Variants in GTF2F2 observed in about 807,000 individuals in gnomAD.
GTF2F2 encodes the protein general transcription factor IIF subunit 2.
A neutral mutation model predicts 42.2 loss-of-function variants in GTF2F2; 23 were observed. The ratio of observed to expected loss-of-function variants is 0.55; its 90% confidence interval spans 0.39 to 0.77. The LOEUF (loss-of-function observed/expected upper bound fraction) is 0.77. Ranked by LOEUF, GTF2F2 falls within the 30% of genes least tolerant of loss-of-function variation. The pLI is 0.00. For synonymous variants in GTF2F2, 105 were observed against 100.8 expected (o/e 1.04, Z -0.25); for missense variants, 261 against 287.2 (o/e 0.91, Z 0.66).
At chr13:45,135,072 G>A (rs1340582887) in intron 1 of GTF2F2, among the ~76,000 whole-genome samples, 2 of 151,842 alleles carry the variant, frequency 1.3e-5, no homozygotes, top group Admixed American at 1.3e-4. Flanking sequence ...TCGTGCCTTA[G>A]TCTTCCAAGT....
chr13:45,162,511 G>A (rs1356482161), intron 4 of GTF2F2, among the ~76,000 whole-genome samples: 3 of 152,212 alleles, frequency 2.0e-5, no homozygotes, highest in Non-Finnish European at 1.5e-5. Context: ...ACTGACTGCA[G>A]AGATTTAGTT....
chr13:45,142,931 G>C (rs1014970618), intron 2 of GTF2F2, among the ~76,000 whole-genome samples: 3 of 152,154 alleles, frequency 2.0e-5, no homozygotes, highest in Non-Finnish European at 4.4e-5. Flanking sequence ...AGGCTCCATT[G>C]ATAGATGTCT....
At chr13:45,230,334 G>C (rs1423048462) in intron 5 of GTF2F2, among the ~76,000 whole-genome samples, 3 of 152,216 alleles carry the variant, frequency 2.0e-5, no homozygotes. Context: ...TGGAAAGGCA[G>C]AGGGTGTACT....
At chr13:45,283,397 C>T in intron 7 of GTF2F2, 45 bp from the exon 8 acceptor site, 1 of 1,561,292 alleles carries the variant, frequency 6.4e-7, no homozygotes, top group South Asian at 1.2e-5. Context: ...GTTTTGTCCC[C>T]TGCATTTATA....
chr13:45,251,008 T>C (rs1435610729), intron 5 of GTF2F2, among the ~76,000 whole-genome samples: 1 of 152,242 alleles, frequency 6.6e-6, no homozygotes, highest in African/African-American at 2.4e-5. Context: ...ATCTTGTGTA[T>C]TTAAAGGATA....
At chr13:45,162,574 C>T (rs146804701) in intron 4 of GTF2F2, among the ~76,000 whole-genome samples, 1 of 152,164 alleles carries the variant, frequency 6.6e-6, no homozygotes, top group Non-Finnish European at 1.5e-5. Context: ...AAAAGTTAAA[C>T]CTAATAGCAG....
chr13:45,151,910 GCTT>G, intron 4 of GTF2F2, 79 bp downstream of exon 4: 3 of 286,176 alleles, frequency 1.0e-5, no homozygotes, highest in South Asian at 9.0e-5. Flanking sequence ...ACTCCTATTT[GCTT>G]TTTTTTTTTT....
At chr13:45,235,041 C>CAAAAAAAAAAAAA (rs61077504) in intron 5 of GTF2F2, among the ~76,000 whole-genome samples, 2 of 43,704 alleles carry the variant, frequency 4.6e-5, no homozygotes, top group Non-Finnish European at 8.3e-5. Context: ...GCGGGAAACT[C>CAAAAAAAAAAAAA]AAAAAAAAAA....
chr13:45,279,387 C>G (rs1049886943), intron 7 of GTF2F2, among the ~76,000 whole-genome samples: 12 of 152,186 alleles, frequency 7.9e-5, no homozygotes, highest in Admixed American at 5.2e-4. Context: ...AAGTGACATT[C>G]AAATTCACGT....
intron 4 of GTF2F2, among the ~76,000 whole-genome samples, chr13:45,162,293 TA>T (rs1333894241): frequency 6.6e-6 from 1 of 152,220 alleles, no homozygotes; most frequent in Non-Finnish European, 1.5e-5. Flanking sequence ...CTTTGGCAGC[TA>T]GTGGTTCTTT....
At chr13:45,153,368 A>G (rs1870596166) in intron 4 of GTF2F2, among the ~76,000 whole-genome samples, 1 of 152,078 alleles carries the variant, frequency 6.6e-6, no homozygotes. Context: ...AAAATGATCT[A>G]AAAAATTATT....
chr13:45,238,872 A>G (rs1482790301), intron 5 of GTF2F2, among the ~76,000 whole-genome samples: 2 of 147,792 alleles, frequency 1.4e-5, no homozygotes, highest in African/African-American at 5.1e-5. Flanking sequence ...TGAACCTGGG[A>G]GGCAAAGGTT....
chr13:45,247,685 G>A (rs939930330), intron 5 of GTF2F2, among the ~76,000 whole-genome samples: 4 of 151,966 alleles, frequency 2.6e-5, no homozygotes, highest in Non-Finnish European at 4.4e-5. Context: ...CACTGTGCCC[G>A]GCCACCTGTA....
intron 2 of GTF2F2, among the ~76,000 whole-genome samples, chr13:45,139,451 A>G (rs2138104368): frequency 6.6e-6 from 1 of 152,310 alleles, no homozygotes; most frequent in South Asian, 2.1e-4. Flanking sequence ...CTCAAACTTA[A>G]TAATTGCTAT....
At chr13:45,238,459 T>C (rs1875109193) in intron 5 of GTF2F2, among the ~76,000 whole-genome samples, 1 of 152,136 alleles carries the variant, frequency 6.6e-6, no homozygotes, top group African/African-American at 2.4e-5. Flanking sequence ...GAGTGCGTGA[T>C]TAACAGGAAA....
chr13:45,140,214 AGTGTGG>A (rs1869853362), intron 2 of GTF2F2, among the ~76,000 whole-genome samples: 1 of 151,746 alleles, frequency 6.6e-6, no homozygotes, highest in Non-Finnish European at 1.5e-5. Context: ...CAGCCCCTAA[AGTGTGG>A]GTGTTACAGG....
intron 4 of GTF2F2, among the ~76,000 whole-genome samples, chr13:45,169,896 A>G (rs183702188): frequency 5.3e-4 from 80 of 152,308 alleles, no homozygotes; most frequent in African/African-American, 1.7e-3. Flanking sequence ...GGACACAACC[A>G]GTATTGTTTA....
At chr13:45,255,505 G>A (rs1204186244) in intron 6 of GTF2F2, among the ~76,000 whole-genome samples, 1 of 152,122 alleles carries the variant, frequency 6.6e-6, no homozygotes, top group Non-Finnish European at 1.5e-5. Flanking sequence ...TGCTTTAGGA[G>A]GAAAATAAAC....
At chr13:45,236,557 G>A (rs1372501006) in intron 5 of GTF2F2, among the ~76,000 whole-genome samples, 3 of 151,798 alleles carry the variant, frequency 2.0e-5, no homozygotes, top group South Asian at 4.2e-4. Flanking sequence ...GTAGATAAGT[G>A]TGGAGTATAA....
Sources: allele counts gnomAD v4.1 joint callset (sites outside exome capture counted in the v4.1 genomes callset), GRCh38; gene constraint gnomAD v4.1.1; transcripts MANE v1.5; gene names NCBI Gene and HGNC (gene_info 2026-07-23, HGNC 2026-07-21).